MAP4K2: variants seen among roughly 807,000 people sequenced by gnomAD.
MAP4K2 encodes the protein B lymphocyte serine/threonine protein kinase.
MAP4K2 carries 85 observed loss-of-function variants against 125.3 expected under a neutral mutation model. The observed-to-expected ratio is 0.68, with a 90% CI of 0.57 to 0.81. The LOEUF (loss-of-function observed/expected upper bound fraction) is 0.81, where lower values mean the gene tolerates loss of function less well. Ranked by LOEUF, MAP4K2 falls within the 40% of genes least tolerant of loss-of-function variation. The pLI is 0.00. For missense variants in MAP4K2, 923 were observed against 1,056.4 expected (o/e 0.87, Z 1.75); for synonymous variants, 479 against 445.1 (o/e 1.08, Z -0.96).
rs1941351865 is a variant in MAP4K2, at chr11:64,803,149, TGGCCCGGCGCCGGGC to T, written c.-15_-1del. 3 of 1,434,938 alleles carry T rather than the reference TGGCCCGGCGCCGGGC, an allele frequency of 2.1e-6. No individual in the cohort carries two copies. The highest frequency in any genetic ancestry group is 2.7e-6 in the Non-Finnish European group (3 of 1,096,906). 88.9% of individuals were successfully genotyped at this position (1,434,938 alleles called of 1,614,324 possible). A position where few individuals can be genotyped will look rare whatever the true frequency, so the allele number is the denominator to read the frequency against. ...AGCGACACATCCCGCAGCAGCGCCA[TGGCCCGGCGCCGGGC>T]GGGCCGGCAGGCGGGCGGGCGCGAG... On this transcript the variant is annotated 5_prime_UTR_variant, in exon 1 of 32. Transcript: ENST00000294066.
chr11:64,801,546 C>A (rs1195305158), intron 7 of MAP4K2, 33 bp downstream of exon 7: 1 of 1,612,938 alleles, frequency 6.2e-7, no homozygotes, highest in South Asian at 1.1e-5. Context: ...GTCCACAGAG[C>A]CCTCACCCTG....
Position 64,787,536 on chromosome 11 carries a change from T to C in MAP4K2, c.*2001A>G, listed in dbSNP as rs1407364620. ...TATCTCTGCTGTATTTAAAAAAATA[T>C]GTACCATGGGCAAAGGTTACGCATT... On this transcript the variant is annotated 3_prime_UTR_variant, in exon 32 of 32. Coordinates refer to ENST00000294066, the MANE Select transcript of MAP4K2 (RefSeq NM_004579.5). 1.3e-5 allele frequency: 2 copies of C among 152,192 alleles called. No homozygotes were observed. The highest frequency in any genetic ancestry group is 2.4e-5 in the African/African-American group (1 of 41,434). The allele number at this position is 152,192 out of a possible 1,614,324, so 9.4% of individuals were successfully genotyped here. A position where few individuals can be genotyped will look rare whatever the true frequency, so the allele number is the denominator to read the frequency against.
At chr11:64,794,413 G>T (rs1940669915) in intron 24 of MAP4K2, among the ~76,000 whole-genome samples, 1 of 151,696 alleles carries the variant, frequency 6.6e-6, no homozygotes, top group South Asian at 2.1e-4. Context: ...AGGCTGGAGT[G>T]CAATGGTGCG....
intron 8 of MAP4K2, 31 bp from the exon 9 acceptor site, chr11:64,801,062 G>A (rs1398517651): frequency 6.2e-7 from 1 of 1,613,756 alleles, no homozygotes; most frequent in Admixed American, 1.7e-5. Flanking sequence ...GGGATGGCCG[G>A]GTGCCCTGCT....
chr11:64,791,361 T>A (rs1027419686), intron 27 of MAP4K2, among the ~76,000 whole-genome samples: 1 of 152,144 alleles, frequency 6.6e-6, no homozygotes, highest in South Asian at 2.1e-4. Flanking sequence ...CCCGGAGCAA[T>A]GTTGACCAGT....
intron 24 of MAP4K2, 40 bp from the exon 25 acceptor site, chr11:64,792,462 T>A (rs1375773442): frequency 1.3e-6 from 2 of 1,545,460 alleles, no homozygotes; most frequent in East Asian, 4.8e-5. Flanking sequence ...TGGGATGCCA[T>A]CCATGGGCAA....
intron 1 of MAP4K2, 49 bp downstream of exon 1, chr11:64,803,005 G>A (rs1308619671): frequency 6.3e-7 from 1 of 1,575,570 alleles, no homozygotes; most frequent in African/African-American, 1.4e-5. Context: ...CTGCCGCGGG[G>A]TGCGGGGCTG....
intron 5 of MAP4K2, 121 bp downstream of exon 5, chr11:64,801,945 C>G: frequency 8.4e-7 from 1 of 1,188,006 alleles, no homozygotes; most frequent in African/African-American, 1.5e-5. Context: ...TTCCCCAGGA[C>G]CTACAGCCCC....
Position 64,797,675 on chromosome 11 carries a change from G to C in MAP4K2, c.1098-11C>G, listed in dbSNP as rs1290982119. The C allele has an allele frequency of 2.0e-6, 3 of 1,529,996 alleles. No homozygotes were observed. Among genetic ancestry groups the C allele is most frequent in the Admixed American group, 4.6e-5 (2 of 43,934 alleles). The allele number at this position is 1,529,996 out of a possible 1,614,324, so 94.8% of individuals were successfully genotyped here. On this transcript the variant is annotated splice_polypyrimidine_tract_variant and intron_variant, in intron 15 of 31. Coordinates refer to ENST00000294066, the MANE Select transcript of MAP4K2 (RefSeq NM_004579.5). ...GACTGCAGCAGGCTCCTGGGCAGTG[G>C]GGAAAAGGGGTCAGAGGTCAACCTT...
intron 4 of MAP4K2, 134 bp downstream of exon 4, chr11:64,802,285 T>A: frequency 8.9e-7 from 1 of 1,127,688 alleles, no homozygotes; most frequent in Non-Finnish European, 1.3e-6. Flanking sequence ...TGGACAGTAT[T>A]TCTCTCAAGG....
intron 13 of MAP4K2, 61 bp from the exon 14 acceptor site, chr11:64,799,540 A>C (rs1941031301): frequency 6.2e-7 from 1 of 1,612,550 alleles, no homozygotes; most frequent in Non-Finnish European, 8.5e-7. Context: ...CTCTACTCAC[A>C]CCAAATCCAT....
rs199526476 is a variant in MAP4K2 at position 64,794,618 on chromosome 11, C to CA, written c.1751+1654dup. Among the ~76,000 whole-genome samples, 44 of 152,296 alleles carry CA rather than the reference C, an allele frequency of 2.9e-4. 1 individual carries two copies. The East Asian group carries it at 7.3e-3, about 25-fold the overall frequency. ...AGTTGATCCACTCGCCAAAGCCTCC[C>CA]AAAGTGCGGGATTACAGGCGTGAGC... On this transcript the variant is annotated intron_variant, in intron 24 of 31. Transcript: ENST00000294066.
At position 64,784,928 on chromosome 11, in the gene MAP4K2, T is replaced by TA. The variant is rs1779467017; in HGVS notation, c.*4608dup. 6.6e-6 allele frequency: 1 copy of TA among 152,226 alleles called. No homozygotes were observed. The highest frequency in any genetic ancestry group is 1.5e-5 in the Non-Finnish European group (1 of 68,040). The allele number at this position is 152,226 out of a possible 1,614,324, so 9.4% of individuals were successfully genotyped here. On this transcript the variant is annotated 3_prime_UTR_variant, in exon 32 of 32. Transcript: ENST00000294066. The stretch of plus-strand genomic sequence containing the variant: ...ACAAAGACAGGTACATGAATGTTTA[T>TA]AGCAGCTTTATTTGTAATAGTTCAC...
rs2959658 is a variant in MAP4K2 at position 64,803,001 on chromosome 11, C to T, written c.96+53G>A. 7,838 of 1,571,154 alleles carry T rather than the reference C, an allele frequency of 5.0e-3. 177 individuals are homozygous for T. In the African/African-American group the frequency reaches 0.052, roughly 10 times the overall value. On this transcript the variant is annotated intron_variant, in intron 1 of 31. Coordinates refer to ENST00000294066, the MANE Select transcript of MAP4K2 (RefSeq NM_004579.5). Reference sequence around the variant, plus strand: ...CGGGGCCGGGGGCTAGATCCTGCCGCGGGGTGCGGGGCTGGCACCCTCCTC... The same window carrying T: ...CGGGGCCGGGGGCTAGATCCTGCCGTGGGGTGCGGGGCTGGCACCCTCCTC...
rs1463558186 is a variant in MAP4K2, at chr11:64,790,425, C to T, written c.2130G>A (p.Val710=). 1 of 1,614,094 alleles carries T rather than the reference C, an allele frequency of 6.2e-7. No individual in the cohort carries two copies. Among genetic ancestry groups the T allele is most frequent in the South Asian group, 1.1e-5 (1 of 91,072 alleles). ...IPGSAQQVIQ[V]DRDTILVSFE... ...AGCTGACTAGGATTGTGTCCCTGTC[C>T]ACCTGGATCACCTGCTGGGCCGAGC... Residue 710 remains valine, a synonymous_variant, in exon 28 of 32, where the codon GTG becomes GTA. Transcript: ENST00000294066.
intron 13 of MAP4K2, 41 bp downstream of exon 13, chr11:64,799,564 C>A: frequency 1.9e-6 from 3 of 1,601,466 alleles, no homozygotes; most frequent in Non-Finnish European, 2.6e-6. Context: ...CACACAGGCC[C>A]CCCAAAATCT....
At chr11:64,802,385 TG>T in intron 4 of MAP4K2, 33 bp downstream of exon 4, 1 of 1,483,218 alleles carries the variant, frequency 6.7e-7, no homozygotes. Flanking sequence ...GGGGGAAGGC[TG>T]GGGCCTGCTG....
chr11:64,788,499 A>G lies in MAP4K2; in HGVS notation c.*1038T>C, dbSNP rs1483865094. 1 of 152,312 alleles carries G rather than the reference A, an allele frequency of 6.6e-6. No individual in the cohort carries two copies. Among genetic ancestry groups the G allele is most frequent in the African/African-American group, 2.4e-5 (1 of 41,430 alleles). The allele number at this position is 152,312 out of a possible 1,614,324, so 9.4% of individuals were successfully genotyped here. A position where few individuals can be genotyped will look rare whatever the true frequency, so the allele number is the denominator to read the frequency against. On this transcript the variant is annotated 3_prime_UTR_variant, in exon 32 of 32. Coordinates refer to ENST00000294066, the MANE Select transcript of MAP4K2 (RefSeq NM_004579.5). ...GAATGACAGCGTAAGCACAAGCTACAGGAGAATGGCCATGCCCTCAAGATG... is the reference window on the plus strand; with the variant it reads ...GAATGACAGCGTAAGCACAAGCTACGGGAGAATGGCCATGCCCTCAAGATG...
At chr11:64,791,768 C>T (rs1940490424) in intron 27 of MAP4K2, 141 bp downstream of exon 27, 3 of 851,904 alleles carry the variant, frequency 3.5e-6, no homozygotes, top group East Asian at 2.8e-5. Flanking sequence ...GGGCCCCAGA[C>T]CCCACATGGC....
Sources: allele counts gnomAD v4.1 joint callset (sites outside exome capture counted in the v4.1 genomes callset), GRCh38; gene constraint gnomAD v4.1.1; transcripts MANE v1.5; gene names NCBI Gene and HGNC (gene_info 2026-07-23, HGNC 2026-07-21).